Variants in PODXL2 observed in about 807,000 individuals in gnomAD.
The protein encoded by PODXL2 is podocalyxin-like protein 2.
In PODXL2, 17 loss-of-function variants were observed where a neutral mutation model predicts 53.4. The observed-to-expected ratio is 0.32, with a 90% confidence interval of 0.22 to 0.48. The LOEUF (loss-of-function observed/expected upper bound fraction) is 0.48. Ranked by LOEUF, PODXL2 falls within the 20% of genes least tolerant of loss-of-function variation. PODXL2 has a pLI of 0.99. For missense variants in PODXL2, 673 were observed against 760.0 expected, an observed-to-expected ratio of 0.89 and a Z score of 1.35; for synonymous variants, 311 against 306.7, an observed-to-expected ratio of 1.01 and a Z score of -0.15.
rs2074809318 is a variant in PODXL2 at position 127,668,422 on chromosome 3, G to C, written c.1207-19G>C. On this transcript the variant is annotated intron_variant, in intron 4 of 7. Transcript: ENST00000342480. ...CCCTTTCCTTCACTGAACACGGGGG[G>C]CTCTTTCTGCCCTTGTAGGAGGTGT... is the stretch of plus-strand genomic sequence containing the variant. The C allele has an allele frequency of 6.6e-7, 1 of 1,511,064 alleles. No homozygotes were observed. The highest frequency in any genetic ancestry group is 8.9e-7 in the Non-Finnish European group (1 of 1,127,868). The allele number at this position is 1,511,064 out of a possible 1,614,324, so 93.6% of individuals were successfully genotyped here.
intron 2 of PODXL2, among the ~76,000 whole-genome samples, chr3:127,654,192 A>G (rs2074707279): frequency 6.6e-6 from 1 of 152,116 alleles, no homozygotes; most frequent in African/African-American, 2.4e-5. Flanking sequence ...TTTGTCTTTC[A>G]TGACCTTGAC....
At chr3:127,634,386 T>C (rs1050747937) in intron 1 of PODXL2, among the ~76,000 whole-genome samples, 22 of 150,414 alleles carry the variant, frequency 1.5e-4, no homozygotes, top group Admixed American at 9.3e-4. Flanking sequence ...GATCACGCCA[T>C]TGCACTCCAG....
intron 1 of PODXL2, among the ~76,000 whole-genome samples, chr3:127,632,560 A>C (rs189200118): frequency 6.6e-6 from 1 of 152,346 alleles, no homozygotes; most frequent in Non-Finnish European, 1.5e-5. Context: ...GTATTATTTA[A>C]TTATTATAAA....
In PODXL2 at chr3:127,629,245, G is replaced by C; in HGVS notation, c.26G>C (p.Arg9Pro). The C allele has an allele frequency of 1.0e-6, 1 of 998,990 alleles. No homozygotes were observed. The highest frequency in any genetic ancestry group is 4.5e-5 in the South Asian group (1 of 22,198). 61.9% of individuals were successfully genotyped at this position (998,990 alleles called of 1,614,324 possible). MGRLLRAA[R>P]LPPLLSPLLL... is the part of the protein sequence containing the mutation. The stretch of plus-strand genomic sequence containing the variant: ...ATGGGCCGGCTGCTGCGGGCCGCCC[G>C]GCTGCCGCCGCTGCTTTCGCCGCTG... Residue 9 changes from arginine (R) to proline (P), a missense_variant, in exon 1 of 8, where the codon CGG becomes CCG. Physicochemically the swap from Arg to Pro is moderately radical, Grantham distance 103 (BLOSUM62 -2). Transcript: ENST00000342480. This position sits in a 1 kb window ranked among gnomAD's most constrained non-coding sequence, Gnocchi z 6.4.
rs529417732 is a variant in PODXL2 at position 127,666,917 on chromosome 3, G to A, written c.1207-1524G>A. On this transcript the variant is annotated intron_variant, in intron 4 of 7. Transcript: ENST00000342480. Reference sequence around the variant, plus strand: ...CAGCAGAGCACAGAGCCACAGCACAGAGGGCAGGCACTTCATGTGGCAGGA... The same window carrying A: ...CAGCAGAGCACAGAGCCACAGCACAAAGGGCAGGCACTTCATGTGGCAGGA... Among the ~76,000 whole-genome samples the A allele has an allele frequency of 1.6e-4, 25 of 152,370 alleles. 2 individuals carry two copies. In the South Asian group the frequency reaches 4.8e-3, roughly 29 times the overall value.
intron 4 of PODXL2, among the ~76,000 whole-genome samples, chr3:127,667,724 T>G (rs146761543): frequency 1.3e-3 from 200 of 152,238 alleles, no homozygotes; most frequent in African/African-American, 4.7e-3. Flanking sequence ...TACAAGCGAG[T>G]GCACGATGAG....
chr3:127,634,577 T>A lies in PODXL2; in HGVS notation c.71-4668T>A, dbSNP rs1381310920. Among the ~76,000 whole-genome samples the A allele has an allele frequency of 2.7e-5, 4 of 149,256 alleles. No individual in the cohort carries two copies. The East Asian group carries it at 5.9e-4, about 22-fold the overall frequency. On this transcript the variant is annotated intron_variant, in intron 1 of 7. Coordinates refer to ENST00000342480, the MANE Select transcript of PODXL2 (RefSeq NM_015720.4). ...ATCTCTACTAAAAATAAAAAAAAAA[T>A]TAGCTGGGCGTGGTGGCAGGTGCCT...
intron 2 of PODXL2, among the ~76,000 whole-genome samples, chr3:127,649,969 C>T (rs753572893): frequency 7.2e-5 from 11 of 152,190 alleles, no homozygotes; most frequent in South Asian, 2.1e-4. Flanking sequence ...TATACTAAAA[C>T]GTCTTCCCTT....
At chr3:127,667,561 G>A (rs555570969) in intron 4 of PODXL2, among the ~76,000 whole-genome samples, 1 of 152,338 alleles carries the variant, frequency 6.6e-6, no homozygotes, top group Admixed American at 6.5e-5. Context: ...GCTGGGCAGG[G>A]ACAAATGGCA....
chr3:127,657,575 C>G lies in PODXL2; in HGVS notation c.350-2803C>G, dbSNP rs941514128. Among the ~76,000 whole-genome samples, 7 of 152,324 alleles carry G rather than the reference C, an allele frequency of 4.6e-5. No homozygotes were observed. The East Asian group carries it at 1.3e-3, about 29-fold the overall frequency. ...TGTCATCACCGCCATGCATCTCTCC[C>G]GAATCACTGCAGCAACTCCCTGACT... On this transcript the variant is annotated intron_variant, in intron 2 of 7. Transcript: ENST00000342480.
chr3:127,652,159 T>G (rs1301654762), intron 2 of PODXL2, among the ~76,000 whole-genome samples: 1 of 152,232 alleles, frequency 6.6e-6, no homozygotes, highest in Non-Finnish European at 1.5e-5. Context: ...TTTACAACTG[T>G]GACAAGTCTA....
chr3:127,638,477 G>A (rs906702871), intron 1 of PODXL2, among the ~76,000 whole-genome samples: 10 of 152,172 alleles, frequency 6.6e-5, no homozygotes, highest in Non-Finnish European at 1.2e-4. Context: ...CACTTTGGGA[G>A]GCCTAGGAGG....
At position 127,669,232 on chromosome 3, in the gene PODXL2, C is replaced by T. The variant is rs766018082; in HGVS notation, c.1425+30C>T. ...GAGTGCAGGGACCTGGACCTGTTAG[C>T]TTCTAATATGCTCCCTCCTGTCTCT... On this transcript the variant is annotated intron_variant, in intron 6 of 7. Transcript: ENST00000342480. 11 of 1,454,732 alleles carry T rather than the reference C, an allele frequency of 7.6e-6. No individual in the cohort carries two copies. In the African/African-American group the frequency reaches 1.5e-4, roughly 20 times the overall value. 90.1% of individuals were successfully genotyped at this position (1,454,732 alleles called of 1,614,324 possible). A position where few individuals can be genotyped will look rare whatever the true frequency, so the allele number is the denominator to read the frequency against.
chr3:127,636,610 C>T (rs145246651), intron 1 of PODXL2, among the ~76,000 whole-genome samples: 126 of 152,366 alleles, frequency 8.3e-4, no homozygotes, highest in African/African-American at 2.6e-3. Context: ...ACTTCAGCTT[C>T]GTGGAGCCAG....
intron 1 of PODXL2, among the ~76,000 whole-genome samples, chr3:127,636,249 G>A (rs1283196417): frequency 1.1e-4 from 16 of 152,140 alleles, no homozygotes; most frequent in Admixed American, 5.2e-4. Flanking sequence ...CTGTTTTGGG[G>A]TAGGACAGGG....
rs2074562335 is a variant in PODXL2 at position 127,633,859 on chromosome 3, A to C, written c.70+4570A>C. 1.3e-5 allele frequency among the ~76,000 whole-genome samples: 2 copies of C among 151,854 alleles called. 1 individual carries two copies. Among genetic ancestry groups the C allele is most frequent in the South Asian group, 4.2e-4 (2 of 4,794 alleles). ...CTTCTCGGAAGCTGAGACTGCAGGC[A>C]GGAGTGAGAATTAGCAGGTGGGTGG... is the stretch of plus-strand genomic sequence containing the variant. On this transcript the variant is annotated intron_variant, in intron 1 of 7. Transcript: ENST00000342480.
At chr3:127,644,642 C>T (rs758058944) in intron 2 of PODXL2, among the ~76,000 whole-genome samples, 5 of 152,198 alleles carry the variant, frequency 3.3e-5, no homozygotes, top group African/African-American at 7.2e-5. Context: ...ATGTCTCTTC[C>T]TCTCCCATTT....
intron 4 of PODXL2, among the ~76,000 whole-genome samples, chr3:127,664,596 G>T (rs2074784730): frequency 6.6e-6 from 1 of 152,048 alleles, no homozygotes; most frequent in African/African-American, 2.4e-5. Context: ...TTCGCTATGA[G>T]TATACCATTT....
chr3:127,671,905 C>T (rs1485432244), intron 7 of PODXL2, among the ~76,000 whole-genome samples: 1 of 152,196 alleles, frequency 6.6e-6, no homozygotes, highest in Non-Finnish European at 1.5e-5. Flanking sequence ...AATACCTCAC[C>T]AGAGGCAGGC....
Sources: allele counts gnomAD v4.1 joint callset (sites outside exome capture counted in the v4.1 genomes callset), GRCh38; gene constraint gnomAD v4.1.1; non-coding constraint Gnocchi (gnomAD v3.1); transcripts MANE v1.5; gene names NCBI Gene and HGNC (gene_info 2026-07-23, HGNC 2026-07-21).